Variants in PCDHGB7 observed in about 807,000 individuals in gnomAD.
PCDHGB7 encodes protocadherin gamma subfamily B, 7.
PCDHGB7 carries 37 observed loss-of-function variants against 61.4 expected under a neutral mutation model. The observed-to-expected ratio is 0.60, with a 90% CI of 0.46 to 0.79. The LOEUF is 0.79. PCDHGB7 is among the 30% of genes least tolerant of loss of function. The probability of loss-of-function intolerance (pLI) is 0.00; values close to 1 mark genes in which losing one functional copy is unlikely to be tolerated. For synonymous variants in PCDHGB7, 464 were observed against 503.5 expected (o/e 0.92, Z 1.05); for missense variants, 1,166 against 1,202.5 (o/e 0.97, Z 0.45).
Position 141,419,259 on chromosome 5 carries a change from CG to C in PCDHGB7, c.1403del (p.Gly468ValfsTer4). On this transcript the variant is annotated frameshift_variant, in exon 1 of 4. Transcript: ENST00000398594. LOFTEE classifies it high-confidence loss of function. ...GTCCACGTGCCAGAAAACAACCAGC[CG>C]GGTGCCTCCATAGCGCAAGTCAGTG... ...YLVHVPENNQPGASIAQVSAS... is the reference protein window; with the variant it reads ...YLVHVPENNQXGASIAQVSAS... The C allele has an allele frequency of 6.2e-7, 1 of 1,614,016 alleles. No homozygotes were observed. The highest frequency in any genetic ancestry group is 8.5e-7 in the Non-Finnish European group (1 of 1,179,898).
chr5:141,419,559 T>C lies in PCDHGB7; in HGVS notation c.1700T>C (p.Leu567Pro). The change falls in exon 1 of 4, where the codon CTG (leucine) becomes CCG (proline). Residue 567 changes from leucine to proline, a missense_variant. Transcript: ENST00000398594. The part of the protein sequence containing the change: ...DNAPRVLYPA[L>P]GPDGSALFDT... ...GCACCGCGGGTGCTGTACCCTGCGCTGGGTCCCGACGGCTCCGCGCTCTTC... is the reference window on the plus strand; with the variant it reads ...GCACCGCGGGTGCTGTACCCTGCGCCGGGTCCCGACGGCTCCGCGCTCTTC... 1 of 1,611,930 alleles carries C rather than the reference T, an allele frequency of 6.2e-7. No individual in the cohort carries two copies.
intron 1 of PCDHGB7, among the ~76,000 whole-genome samples, chr5:141,472,445 C>T (rs2099280467): frequency 6.6e-6 from 1 of 151,956 alleles, no homozygotes; most frequent in Non-Finnish European, 1.5e-5. Flanking sequence ...GAGGCTGAGG[C>T]AGGAGAATCG....
chr5:141,440,905 C>A (rs986711694), intron 1 of PCDHGB7: 1 of 152,184 alleles, frequency 6.6e-6, no homozygotes, highest in East Asian at 1.9e-4. Context: ...TGCATCCGGG[C>A]ACTCCTGTGC....
At chr5:141,478,498 G>A in intron 1 of PCDHGB7, 8 of 1,612,712 alleles carry the variant, frequency 5.0e-6, no homozygotes, top group South Asian at 1.1e-5. Context: ...GCTGTGATCC[G>A]GTGTTCTATA....
At chr5:141,501,423 A>C (rs1195105794) in intron 2 of PCDHGB7, among the ~76,000 whole-genome samples, 1 of 151,966 alleles carries the variant, frequency 6.6e-6, no homozygotes, top group Non-Finnish European at 1.5e-5. Flanking sequence ...AGTTGACTAA[A>C]TGTAGTCCAT....
intron 2 of PCDHGB7, among the ~76,000 whole-genome samples, chr5:141,499,083 C>G (rs2099789346): frequency 6.6e-6 from 1 of 152,082 alleles, no homozygotes; most frequent in African/African-American, 2.4e-5. Flanking sequence ...GAAGTTCCTG[C>G]TTGGCACATG....
At position 141,420,075 on chromosome 5, in the gene PCDHGB7, G is replaced by A. The variant is rs893749179; in HGVS notation, c.2216G>A (p.Gly739Asp). The change falls in exon 1 of 4, where the codon GGT becomes GAT. Residue 739 changes from glycine (G) to aspartate (D), a missense_variant. Physicochemically the swap from Gly to Asp is moderately conservative, Grantham distance 94. Coordinates refer to ENST00000398594, the MANE Select transcript of PCDHGB7 (RefSeq NM_018927.4). ...SVLCSKSGPV[G>D]PPNYSEGTLP... Reference sequence around the variant, plus strand: ...CTCTGCTCCAAGTCCGGACCTGTGGGTCCCCCCAACTACAGTGAGGGAACG... The same window carrying A: ...CTCTGCTCCAAGTCCGGACCTGTGGATCCCCCCAACTACAGTGAGGGAACG... The A allele has an allele frequency of 1.1e-5, 17 of 1,613,944 alleles. No individual in the cohort carries two copies. The highest frequency in any genetic ancestry group is 6.7e-5 in the Admixed American group (4 of 60,016).
rs1299607088 is a variant in PCDHGB7 at position 141,472,933 on chromosome 5, C to T, written c.2416-21874C>T. ...CCCAAGAGGAGGAGGTTGTGGTGAG[C>T]CAAGATTATGCCATTGCACTCCAGC... On this transcript the variant is annotated intron_variant, in intron 1 of 3. Coordinates refer to ENST00000398594, the MANE Select transcript of PCDHGB7 (RefSeq NM_018927.4). Among the ~76,000 whole-genome samples, 4 of 143,758 alleles carry T rather than the reference C, an allele frequency of 2.8e-5. No individual in the cohort carries two copies. In the Admixed American group the frequency reaches 2.9e-4, roughly 10 times the overall value. 94.3% of individuals were successfully genotyped at this position (143,758 alleles called of 152,430 possible). A position where few individuals can be genotyped will look rare whatever the true frequency, so the allele number is the denominator to read the frequency against.
intron 1 of PCDHGB7, among the ~76,000 whole-genome samples, chr5:141,442,846 C>T (rs1489647686): frequency 2.6e-5 from 4 of 152,234 alleles, no homozygotes; most frequent in Non-Finnish European, 4.4e-5. Context: ...AAATCTTGGC[C>T]ATTGTAGTAT....
chr5:141,464,524 T>C (rs2099086175), intron 1 of PCDHGB7, among the ~76,000 whole-genome samples: 1 of 152,094 alleles, frequency 6.6e-6, no homozygotes, highest in Non-Finnish European at 1.5e-5. Context: ...AAGGCATATG[T>C]AGTTTTGTTA....
chr5:141,508,867 G>A (rs2099872497), intron 3 of PCDHGB7, among the ~76,000 whole-genome samples: 1 of 152,108 alleles, frequency 6.6e-6, no homozygotes. Flanking sequence ...GGGAAAGGCT[G>A]AAGAGGCTGA....
rs1561869034 is a variant in PCDHGB7 at position 141,433,357 on chromosome 5, G to GT, written c.2415+13083_2415+13084insT. On this transcript the variant is annotated intron_variant, in intron 1 of 3. Transcript: ENST00000398594. ...TACAGGTGCAAGCCACCTACTGTCT[G>GT]CCTATCTATCTATCTATCTATCTAT... 125 of 569,056 alleles carry GT rather than the reference G, an allele frequency of 2.2e-4. No homozygotes were observed. In the African/African-American group the frequency reaches 2.4e-3, roughly 11 times the overall value. The allele number at this position is 569,056 out of a possible 1,614,324, so 35.3% of individuals were successfully genotyped here. A position where few individuals can be genotyped will look rare whatever the true frequency, so the allele number is the denominator to read the frequency against.
chr5:141,434,768 T>C (rs6580188), intron 1 of PCDHGB7, among the ~76,000 whole-genome samples: 81,499 of 151,296 alleles, frequency 0.54, 23,977 homozygotes, highest in African/African-American at 0.79. Context: ...CACTTCACAC[T>C]TCTAAAAAAA....
intron 1 of PCDHGB7, chr5:141,423,124 C>T (rs748586131): frequency 1.9e-6 from 3 of 1,613,778 alleles, no homozygotes; most frequent in Non-Finnish European, 1.7e-6. Context: ...AGCGCGGGCA[C>T]TGCTGGACAG....
intron 1 of PCDHGB7, among the ~76,000 whole-genome samples, chr5:141,461,768 C>T (rs532591390): frequency 1.3e-5 from 2 of 152,016 alleles, no homozygotes; most frequent in African/African-American, 4.8e-5. Context: ...ATTCTCCTGC[C>T]TCAGCCTCCC....
chr5:141,505,335 A>G, intron 2 of PCDHGB7, 58 bp from the exon 3 acceptor site: 1 of 1,611,086 alleles, frequency 6.2e-7, no homozygotes, highest in Non-Finnish European at 8.5e-7. Flanking sequence ...AGAGGACAGG[A>G]GGGGCATGAG....
intron 1 of PCDHGB7, among the ~76,000 whole-genome samples, chr5:141,450,397 C>T (rs529143168): frequency 6.6e-6 from 1 of 152,300 alleles, no homozygotes; most frequent in South Asian, 2.1e-4. Flanking sequence ...TTTGTAAAGA[C>T]TAGAAGCCAT....
intron 1 of PCDHGB7, among the ~76,000 whole-genome samples, chr5:141,492,876 G>A (rs2099744774): frequency 6.6e-6 from 1 of 152,184 alleles, no homozygotes; most frequent in African/African-American, 2.4e-5. Context: ...TCAACCCCCA[G>A]AGATACAGGC....
rs2097504446 is a variant in PCDHGB7, at chr5:141,432,472, T to C, written c.2415+12198T>C. The C allele has an allele frequency of 9.9e-6, 16 of 1,614,012 alleles. No homozygotes were observed. Among genetic ancestry groups the C allele is most frequent in the Non-Finnish European group, 1.4e-5 (16 of 1,180,036 alleles). ...TGTACCCCGCCCTCCCCACGGACGG[T>C]TCCACTGGCGTGGAGCTGGCTCCCC... On this transcript the variant is annotated intron_variant, in intron 1 of 3. Transcript: ENST00000398594. This position sits in a 1 kb window ranked among gnomAD's most constrained non-coding sequence, Gnocchi z 6.0.
Sources: gnomAD v4.1 joint callset for allele counts (sites outside exome capture counted in the v4.1 genomes callset) on GRCh38, gnomAD v4.1.1 for gene constraint, Gnocchi (gnomAD v3.1) non-coding constraint, MANE v1.5 for transcripts, NCBI Gene and HGNC (gene_info 2026-07-23, HGNC 2026-07-21) for gene names.